PTBP3: variants seen among roughly 807,000 people sequenced by gnomAD.
PTBP3 encodes the protein polypyrimidine tract binding protein 3, also known as polypyrimidine tract-binding protein 3.
A neutral mutation model predicts 58.7 loss-of-function variants in PTBP3; 20 were observed. The observed-to-expected ratio is 0.34, with a 90% CI of 0.24 to 0.50. The LOEUF is 0.50. Among genes scored for constraint, PTBP3 ranks in the 20% least tolerant of loss-of-function variants. The pLI is 0.98. For synonymous variants in PTBP3, 185 were observed against 219.8 expected (o/e 0.84, Z 1.40); for missense variants, 509 against 637.2 (o/e 0.80, Z 2.17).
At chr9:112,238,292 C>T (rs1196196707) in intron 7 of PTBP3, among the ~76,000 whole-genome samples, 1 of 152,020 alleles carries the variant, frequency 6.6e-6, no homozygotes, top group African/African-American at 2.4e-5. Flanking sequence ...GAAATGAAAG[C>T]CACAATTGCT....
At chr9:112,271,330 C>T (rs1462068897) in intron 3 of PTBP3, among the ~76,000 whole-genome samples, 3 of 152,146 alleles carry the variant, frequency 2.0e-5, no homozygotes, top group Non-Finnish European at 4.4e-5. Flanking sequence ...ATCTGGAATC[C>T]AAAATGCTCC....
At chr9:112,285,250 ACACT>A (rs1376050828) in intron 2 of PTBP3, among the ~76,000 whole-genome samples, 2 of 152,104 alleles carry the variant, frequency 1.3e-5, no homozygotes, top group African/African-American at 4.8e-5. Flanking sequence ...TTCCTCCTTC[ACACT>A]CACTCTCTCT....
chr9:112,304,644 G>A (rs995289262), intron 1 of PTBP3, among the ~76,000 whole-genome samples: 1 of 152,166 alleles, frequency 6.6e-6, no homozygotes, highest in African/African-American at 2.4e-5. Context: ...ATAGCTCACT[G>A]TAGCCTCAAC....
rs771708180 is a variant in PTBP3 at position 112,221,894 on chromosome 9, T to C, written c.*1957A>G. 99 of 982,422 alleles carry C rather than the reference T, an allele frequency of 1.0e-4. No individual in the cohort carries two copies. Among genetic ancestry groups the C allele is most frequent in the African/African-American group, 2.6e-4 (15 of 57,180 alleles). The allele number at this position is 982,422 out of a possible 1,614,324, so 60.9% of individuals were successfully genotyped here. On this transcript the variant is annotated 3_prime_UTR_variant, in exon 14 of 14. Transcript: ENST00000374257. ...TAATCACTGGAATACAGCAAAGAGA[T>C]TGAGATTTTCTTAATTTTTACTTTT...
upstream of PTBP3, chr9:112,333,670 C>T (rs1388880251): frequency 3.8e-6 from 2 of 527,398 alleles, no homozygotes; most frequent in Non-Finnish European, 6.4e-6. Flanking sequence ...GCGCCCCCGC[C>T]TTCCCCACCC....
intron 1 of PTBP3, among the ~76,000 whole-genome samples, chr9:112,323,546 A>G (rs1171104024): frequency 6.6e-6 from 1 of 152,234 alleles, no homozygotes; most frequent in Non-Finnish European, 1.5e-5. Flanking sequence ...TGTAGATAAC[A>G]TGCAATAAAA....
chr9:112,302,322 C>T (rs892484145), intron 1 of PTBP3, among the ~76,000 whole-genome samples: 5 of 152,066 alleles, frequency 3.3e-5, no homozygotes, highest in South Asian at 2.1e-4. Flanking sequence ...AAAAAGAATA[C>T]GGCAGTATCT....
the PTBP3 span, among the ~76,000 whole-genome samples, chr9:112,369,131 C>T: frequency 3.9e-5 from 6 of 152,220 alleles, no homozygotes; most frequent in African/African-American, 9.7e-5. Flanking sequence ...GGGGCAGAGC[C>T]CTCATGGAGA....
upstream of PTBP3, chr9:112,333,766 C>T (rs1343810937): frequency 3.4e-6 from 1 of 297,344 alleles, no homozygotes; most frequent in Admixed American, 5.2e-5. Context: ...CGCGCCCACC[C>T]TCGCCCCGCT....
At chr9:112,282,936 G>A (rs1827940957) in intron 2 of PTBP3, among the ~76,000 whole-genome samples, 1 of 152,104 alleles carries the variant, frequency 6.6e-6, no homozygotes, top group African/African-American at 2.4e-5. Context: ...CTGTTCTTGT[G>A]ATAGTGAGGG....
chr9:112,300,604 C>T (rs1248974941), intron 1 of PTBP3, among the ~76,000 whole-genome samples: 4 of 151,902 alleles, frequency 2.6e-5, no homozygotes, highest in Non-Finnish European at 5.9e-5. Flanking sequence ...TACAAAAAAT[C>T]AGCCTGGCGT....
chr9:112,337,137 C>T (rs1830583233), upstream of PTBP3, among the ~76,000 whole-genome samples: 1 of 152,208 alleles, frequency 6.6e-6, no homozygotes, highest in Admixed American at 6.5e-5. Flanking sequence ...TCAAGCAATT[C>T]TCCTGCCTTA....
In PTBP3 at chr9:112,223,549, C is replaced by T; in HGVS notation, c.*302G>A. ...GACCCAAACTAAAACAACGTTAATC[C>T]TCTTCAAATCTAATTTAATATAGGG... is the stretch of plus-strand genomic sequence containing the variant. On this transcript the variant is annotated 3_prime_UTR_variant, in exon 14 of 14. Transcript: ENST00000374257. 2.0e-6 allele frequency: 2 copies of T among 992,208 alleles called. No homozygotes were observed. The highest frequency in any genetic ancestry group is 2.5e-6 in the Non-Finnish European group (2 of 810,852). The allele number at this position is 992,208 out of a possible 1,614,324, so 61.5% of individuals were successfully genotyped here.
chr9:112,269,484 C>G (rs1185524836), intron 3 of PTBP3, among the ~76,000 whole-genome samples: 2 of 152,128 alleles, frequency 1.3e-5, no homozygotes, highest in Non-Finnish European at 2.9e-5. Flanking sequence ...TTATCTCATA[C>G]TTTACCAACA....
intron 1 of PTBP3, chr9:112,298,451 G>A: frequency 2.5e-6 from 1 of 395,898 alleles, no homozygotes; most frequent in South Asian, 2.0e-5. Context: ...TTTTTTTCAG[G>A]TAAGAGTTTT....
chr9:112,320,316 T>A (rs10981355), intron 1 of PTBP3, among the ~76,000 whole-genome samples: 5,248 of 30,600 alleles, frequency 0.17, 287 homozygotes, highest in East Asian at 0.49. Context: ...ATATATATAT[T>A]TTTTTTTAAG....
chr9:112,338,579 C>A (rs542042819), upstream of PTBP3, among the ~76,000 whole-genome samples: 1 of 152,146 alleles, frequency 6.6e-6, no homozygotes, highest in Non-Finnish European at 1.5e-5. Context: ...AAGGCTTAAG[C>A]AAAATGGCAT....
At chr9:112,249,740 C>T (rs1204311102) in intron 7 of PTBP3, among the ~76,000 whole-genome samples, 1 of 151,756 alleles carries the variant, frequency 6.6e-6, no homozygotes, top group Non-Finnish European at 1.5e-5. Flanking sequence ...ATTAATTGCA[C>T]CAAGAGTATA....
At chr9:112,239,287 G>A (rs1489790650) in intron 7 of PTBP3, among the ~76,000 whole-genome samples, 1 of 152,140 alleles carries the variant, frequency 6.6e-6, no homozygotes. Context: ...TGGTTATTTT[G>A]CTTCCAGAAT....
Sources: gnomAD v4.1 joint callset for allele counts (sites outside exome capture counted in the v4.1 genomes callset) on GRCh38, gnomAD v4.1.1 for gene constraint, MANE v1.5 for transcripts, NCBI Gene and HGNC (gene_info 2026-07-23, HGNC 2026-07-21) for gene names.